Variants in DENND1A observed in about 807,000 individuals in gnomAD.
The protein encoded by DENND1A is DENN domain-containing protein 1A.
A neutral mutation model predicts 113.7 loss-of-function variants in DENND1A; 51 were observed. The ratio of observed to expected loss-of-function variants is 0.45; its 90% confidence interval spans 0.36 to 0.57. The LOEUF is 0.57. Ranked by LOEUF, DENND1A falls within the 20% of genes least tolerant of loss-of-function variation. DENND1A has a pLI of 0.00. For synonymous variants in DENND1A, 565 were observed against 570.8 expected, an observed-to-expected ratio of 0.99 and a Z score of 0.14; for missense variants, 1,258 against 1,395.9, an observed-to-expected ratio of 0.90 and a Z score of 1.57.
intron 1 of DENND1A, among the ~76,000 whole-genome samples, chr9:123,922,100 T>C (rs1057287635): frequency 1.3e-5 from 2 of 152,038 alleles, no homozygotes; most frequent in African/African-American, 4.8e-5. Flanking sequence ...ACCTGGCTAA[T>C]TGTTGTATTT....
At chr9:123,711,456 G>C (rs60797185) in intron 5 of DENND1A, among the ~76,000 whole-genome samples, 1 of 137,220 alleles carries the variant, frequency 7.3e-6, no homozygotes, top group Non-Finnish European at 1.6e-5. Context: ...ACAGAAGGAG[G>C]CTCCATCTCA....
chr9:123,913,725 G>A (rs953974950), intron 1 of DENND1A, among the ~76,000 whole-genome samples: 6 of 151,862 alleles, frequency 4.0e-5, no homozygotes, highest in Admixed American at 1.3e-4. Flanking sequence ...GACCAACATA[G>A]AGAAACCCCG....
chr9:123,415,840 T>C (rs2044682202), intron 19 of DENND1A, among the ~76,000 whole-genome samples: 1 of 152,060 alleles, frequency 6.6e-6, no homozygotes, highest in African/African-American at 2.4e-5. Flanking sequence ...CAGGGCGTGG[T>C]GGGGCCATCG....
chr9:123,488,116 C>T (rs542751617), intron 13 of DENND1A, among the ~76,000 whole-genome samples: 1 of 152,352 alleles, frequency 6.6e-6, no homozygotes, highest in Non-Finnish European at 1.5e-5. Context: ...ACTCATTCAC[C>T]TCTAGATCCT....
intron 1 of DENND1A, among the ~76,000 whole-genome samples, chr9:123,926,231 TA>T (rs1857068445): frequency 6.6e-6 from 1 of 152,186 alleles, no homozygotes; most frequent in African/African-American, 2.4e-5. Context: ...TTTTGTCCAT[TA>T]AATGTTGATT....
chr9:123,661,601 C>A (rs2063236897), intron 8 of DENND1A, among the ~76,000 whole-genome samples: 1 of 152,206 alleles, frequency 6.6e-6, no homozygotes, highest in South Asian at 2.1e-4. Context: ...ACTGACAGAG[C>A]ATTCAGCCAG....
chr9:123,914,136 A>G (rs1009194659), intron 1 of DENND1A, among the ~76,000 whole-genome samples: 1 of 152,042 alleles, frequency 6.6e-6, no homozygotes, highest in African/African-American at 2.4e-5. Context: ...GAAGGGTCAA[A>G]AGACACAGGC....
chr9:123,630,486 A>T lies in DENND1A; in HGVS notation c.619-10T>A, dbSNP rs746353325. On this transcript the variant is annotated splice_polypyrimidine_tract_variant and intron_variant, in intron 9 of 23. Coordinates refer to ENST00000394215, the MANE Select transcript of DENND1A (RefSeq NM_001352964.2). Reference sequence around the variant, plus strand: ...GGATGCAGGCAGTCAGCTGGAACAGAGCAAAGCAGAGATCAATGAACAAAT... The same window carrying T: ...GGATGCAGGCAGTCAGCTGGAACAGTGCAAAGCAGAGATCAATGAACAAAT... The T allele has an allele frequency of 2.6e-6, 4 of 1,547,576 alleles. No homozygotes were observed. Among genetic ancestry groups the T allele is most frequent in the Non-Finnish European group, 3.5e-6 (4 of 1,142,906 alleles).
intron 19 of DENND1A, among the ~76,000 whole-genome samples, chr9:123,414,777 C>T (rs1195116786): frequency 6.6e-6 from 1 of 152,196 alleles, no homozygotes; most frequent in Non-Finnish European, 1.5e-5. Context: ...CCTCCAGATT[C>T]AGGGCCCCGC....
chr9:123,552,132 C>T (rs2057124130), intron 13 of DENND1A, among the ~76,000 whole-genome samples: 2 of 151,264 alleles, frequency 1.3e-5, no homozygotes, highest in African/African-American at 4.9e-5. Context: ...GACGTGACTG[C>T]AGAGGAGGAG....
At chr9:123,398,438 G>A (rs1470411220) in intron 21 of DENND1A, among the ~76,000 whole-genome samples, 2 of 151,960 alleles carry the variant, frequency 1.3e-5, no homozygotes, top group Admixed American at 6.5e-5. Flanking sequence ...GCAGTGGTGC[G>A]ATCTCGGCTC....
chr9:123,893,887 C>T (rs1003196253), intron 1 of DENND1A, among the ~76,000 whole-genome samples: 2 of 152,102 alleles, frequency 1.3e-5, no homozygotes, highest in African/African-American at 4.8e-5. Flanking sequence ...CAGTGCTTGG[C>T]AAGTAGTAGG....
chr9:123,600,717 G>C (rs1389239738), intron 11 of DENND1A, among the ~76,000 whole-genome samples: 1 of 152,120 alleles, frequency 6.6e-6, no homozygotes, highest in Non-Finnish European at 1.5e-5. Flanking sequence ...TGTAGTCCCA[G>C]CTACTTGGGA....
chr9:123,713,929 C>T (rs1048859125), intron 5 of DENND1A, among the ~76,000 whole-genome samples: 8 of 152,130 alleles, frequency 5.3e-5, no homozygotes, highest in African/African-American at 1.7e-4. Flanking sequence ...TATACCTTTA[C>T]ATATGGAGAG....
At chr9:123,532,925 G>T (rs769958578) in intron 13 of DENND1A, among the ~76,000 whole-genome samples, 22 of 152,326 alleles carry the variant, frequency 1.4e-4, no homozygotes, top group Non-Finnish European at 2.6e-4. Context: ...ATGAATCAAA[G>T]AAGCTGCATC....
At chr9:123,517,869 G>C (rs1369026485) in intron 13 of DENND1A, among the ~76,000 whole-genome samples, 1 of 152,154 alleles carries the variant, frequency 6.6e-6, no homozygotes, top group Non-Finnish European at 1.5e-5. Context: ...AAGAGAAGTA[G>C]CAAAATTGAA....
At chr9:123,557,386 T>C (rs1277851519) in intron 13 of DENND1A, among the ~76,000 whole-genome samples, 184 bp downstream of exon 13, 1 of 152,166 alleles carries the variant, frequency 6.6e-6, no homozygotes. Flanking sequence ...TCACACATGA[T>C]AGCACAGCCT....
At chr9:123,701,467 A>G (rs77151770) in intron 5 of DENND1A, among the ~76,000 whole-genome samples, 527 of 152,268 alleles carry the variant, frequency 3.5e-3, no homozygotes, top group African/African-American at 0.012. Context: ...TAGGTCCCCA[A>G]TACTGAGCCT....
At chr9:123,811,725 T>C (rs955462937) in intron 2 of DENND1A, among the ~76,000 whole-genome samples, 1 of 152,162 alleles carries the variant, frequency 6.6e-6, no homozygotes, top group Admixed American at 6.5e-5. Flanking sequence ...CACCACTGCA[T>C]TCCAGCCAGG....
Sources: gnomAD v4.1 joint callset for allele counts (sites outside exome capture counted in the v4.1 genomes callset) on GRCh38, gnomAD v4.1.1 for gene constraint, MANE v1.5 for transcripts, NCBI Gene and HGNC (gene_info 2026-07-23, HGNC 2026-07-21) for gene names.